Variants in CDC25C observed in about 807,000 individuals in gnomAD.
CDC25C encodes the protein cell division cycle 25C.
Under a neutral mutation model 52.5 loss-of-function variants are expected in CDC25C, and 48 were observed. The observed-to-expected ratio is 0.91, with a 90% CI of 0.72 to 1.16. The LOEUF (loss-of-function observed/expected upper bound fraction) is 1.16, where lower values mean the gene tolerates loss of function less well. Ranked by LOEUF, CDC25C falls within the 50% of genes most tolerant of loss-of-function variation. CDC25C has a pLI of 0.00. For missense variants in CDC25C, 510 were observed against 566.1 expected (o/e 0.90, Z 1.01); for synonymous variants, 187 against 206.5 (o/e 0.91, Z 0.81).
intron 8 of CDC25C, 43 bp downstream of exon 8, chr5:138,291,927 G>A: frequency 6.5e-7 from 1 of 1,548,618 alleles, no homozygotes; most frequent in Non-Finnish European, 8.8e-7. Flanking sequence ...GCAAAGACAT[G>A]AGATAGAAGA....
Position 138,328,579 on chromosome 5 carries a change from A to C in CDC25C, c.290-50T>G. ...TAAAAGGAGTTATTCTTGTCCATGC[A>C]TCCTGTTTTTCCTTCAGATTTTCTT... is the stretch of plus-strand genomic sequence containing the variant. On this transcript the variant is annotated intron_variant, in intron 3 of 13. Coordinates refer to ENST00000323760, the MANE Select transcript of CDC25C (RefSeq NM_001790.5). 2.7e-6 allele frequency: 4 copies of C among 1,475,966 alleles called. No individual in the cohort carries two copies. In the South Asian group the frequency reaches 4.5e-5, roughly 17 times the overall value. 91.4% of individuals were successfully genotyped at this position (1,475,966 alleles called of 1,614,324 possible). A position where few individuals can be genotyped will look rare whatever the true frequency, so the allele number is the denominator to read the frequency against.
At chr5:138,303,077 C>CAAAAA (rs1213330530) in intron 7 of CDC25C, among the ~76,000 whole-genome samples, 16 of 151,990 alleles carry the variant, frequency 1.1e-4, no homozygotes, top group African/African-American at 3.9e-4. Flanking sequence ...TCTTTAAAAA[C>CAAAAA]AAAAACAAAA....
At chr5:138,316,817 G>A (rs865803319) in intron 7 of CDC25C, among the ~76,000 whole-genome samples, 2 of 152,064 alleles carry the variant, frequency 1.3e-5, no homozygotes, top group African/African-American at 2.4e-5. Context: ...AGCTGAATAC[G>A]GGATAAGACA....
rs768419438 is a variant in CDC25C, at chr5:138,325,856, T to C, written c.418A>G (p.Lys140Glu). ...GATGAACTACACATTGCATCTCTCT[T>C]TCTATGGCCACGGTCCAAACCATTC... ...TPNGLDRGHR[K>E]RDAMCSSSAN... is the part of the protein sequence containing the mutation. The change falls in exon 6 of 14, where the codon AAG (lysine) becomes GAG (glutamate). Residue 140 changes from lysine to glutamate, a missense_variant. Physicochemically the swap from Lys to Glu is moderately conservative, Grantham distance 56. Coordinates refer to ENST00000323760, the MANE Select transcript of CDC25C (RefSeq NM_001790.5). 1.9e-6 allele frequency: 3 copies of C among 1,614,164 alleles called. No homozygotes were observed. Among genetic ancestry groups the C allele is most frequent in the Non-Finnish European group, 2.5e-6 (3 of 1,179,996 alleles).
At chr5:138,288,990 A>G (rs1238018738) in intron 10 of CDC25C, among the ~76,000 whole-genome samples, 1 of 151,746 alleles carries the variant, frequency 6.6e-6, no homozygotes, top group Admixed American at 6.6e-5. Flanking sequence ...TTTTTGAGAC[A>G]GTCTCGCTGT....
At chr5:138,328,665 T>G in intron 3 of CDC25C, 136 bp from the exon 4 acceptor site, 1 of 692,462 alleles carries the variant, frequency 1.4e-6, no homozygotes, top group Non-Finnish European at 2.6e-6. Flanking sequence ...GCCTCTCGAT[T>G]GGTACCCATT....
intron 2 of CDC25C, 109 bp downstream of exon 2, chr5:138,330,878 A>C: frequency 1.4e-6 from 1 of 740,274 alleles, no homozygotes; most frequent in Non-Finnish European, 2.3e-6. Flanking sequence ...CAGAGTTGAG[A>C]CTTAAAGCCT....
chr5:138,333,864 T>C (rs1760555556), upstream of CDC25C: 1 of 152,092 alleles, frequency 6.6e-6, no homozygotes, highest in Non-Finnish European at 1.5e-5. Flanking sequence ...TAAAACAAAT[T>C]CTCCAAAAAT....
Position 138,285,717 on chromosome 5 carries a change from A to G in CDC25C, c.1397T>C (p.Leu466Pro), listed in dbSNP as rs750103448. 9.3e-6 allele frequency: 15 copies of G among 1,614,078 alleles called. No homozygotes were observed. Among genetic ancestry groups the G allele is most frequent in the Non-Finnish European group, 1.2e-5 (14 of 1,180,040 alleles). Reference protein sequence around the residue: ...GERQLREQIALLVKDMSP With the variant: ...GERQLREQIAPLVKDMSP ...TCATGGGCTCATGTCCTTCACCAGA[A>G]GGGCAATCTGCTCCCGCAGCTGCCG... The change falls in exon 14 of 14, where the codon CTT (leucine) becomes CCT (proline). Residue 466 changes from leucine to proline, a missense_variant. Transcript: ENST00000323760.
chr5:138,333,201 C>T (rs1360036405), upstream of CDC25C, among the ~76,000 whole-genome samples: 1 of 152,164 alleles, frequency 6.6e-6, no homozygotes, highest in Non-Finnish European at 1.5e-5. Flanking sequence ...TTCAAAATAA[C>T]CTTGGAAGCT....
chr5:138,294,294 C>T (rs369363541), intron 7 of CDC25C, among the ~76,000 whole-genome samples: 1 of 151,350 alleles, frequency 6.6e-6, no homozygotes. Flanking sequence ...CAGGTTTCAG[C>T]AATTCTCCTG....
Position 138,292,102 on chromosome 5 carries a change from G to T in CDC25C, c.630C>A (p.Gly210=). 4 of 1,612,180 alleles carry T rather than the reference G, an allele frequency of 2.5e-6. No individual in the cohort carries two copies. The highest frequency in any genetic ancestry group is 3.4e-6 in the Non-Finnish European group (4 of 1,179,098). Residue 210 remains glycine, a synonymous_variant, in exon 8 of 14, where the codon GGC becomes GGA. Coordinates refer to ENST00000323760, the MANE Select transcript of CDC25C (RefSeq NM_001790.5). ...CTGGCATCGACGGGGAGCGATATAG[G>T]CCACTTCTGCTCACCTGTTTGGGAA... The part of the protein sequence containing the change: ...KDQEAKVSRS[G]LYRSPSMPEN...
At chr5:138,318,211 G>T (rs1759056572) in intron 7 of CDC25C, among the ~76,000 whole-genome samples, 1 of 152,110 alleles carries the variant, frequency 6.6e-6, no homozygotes, top group Admixed American at 6.6e-5. Flanking sequence ...GCTTTGGGAG[G>T]CTGAGGCAAG....
chr5:138,321,750 CAAAAAAAAAAAAAAAAAAA>C (rs531353746), intron 6 of CDC25C, among the ~76,000 whole-genome samples: 1 of 47,172 alleles, frequency 2.1e-5, no homozygotes, highest in South Asian at 1.2e-3. Flanking sequence ...GACTCTGTCT[CAAAAAAAAAAAAAAAAAAA>C]AAAAAAAAAA....
intron 10 of CDC25C, 33 bp from the exon 11 acceptor site, chr5:138,287,300 A>T (rs1247037611): frequency 6.8e-7 from 1 of 1,470,600 alleles, no homozygotes; most frequent in Non-Finnish European, 9.5e-7. Flanking sequence ...TATTCTGCTC[A>T]CTGCCACTCT....
chr5:138,296,759 C>CCA (rs1757227355), intron 7 of CDC25C, among the ~76,000 whole-genome samples: 2 of 151,392 alleles, frequency 1.3e-5, no homozygotes, highest in Non-Finnish European at 1.5e-5. Context: ...GCGCCCGCCA[C>CCA]CGCACACAGC....
exon 1 of CDC25C, chr5:138,338,194 C>T (rs965373389): frequency 2.3e-6 from 3 of 1,284,824 alleles, no homozygotes; most frequent in Non-Finnish European, 2.0e-6. Context: ...GAGCTGTCCC[C>T]CTACTCTCCT....
chr5:138,298,887 T>G (rs1433881500), intron 7 of CDC25C, among the ~76,000 whole-genome samples: 1 of 151,812 alleles, frequency 6.6e-6, no homozygotes, highest in Non-Finnish European at 1.5e-5. Flanking sequence ...TCTGGAAAAT[T>G]AGCAAATTTA....
intron 7 of CDC25C, among the ~76,000 whole-genome samples, chr5:138,296,162 G>T (rs138942326): frequency 6.6e-6 from 1 of 152,150 alleles, no homozygotes; most frequent in East Asian, 1.9e-4. Context: ...ACCTCATGTC[G>T]GCTTCCGTTA....
Sources: gnomAD v4.1 joint callset for allele counts (sites outside exome capture counted in the v4.1 genomes callset) on GRCh38, gnomAD v4.1.1 for gene constraint, MANE v1.5 for transcripts, NCBI Gene and HGNC (gene_info 2026-07-23, HGNC 2026-07-21) for gene names.